The following ANAPC1 variants were observed in gnomAD, a reference collection of about 807,000 sequenced individuals.
ANAPC1 encodes anaphase promoting complex subunit 1.
ANAPC1 carries 36 observed loss-of-function variants against 208.0 expected under a neutral mutation model. That is an observed-to-expected ratio of 0.17 (90% CI 0.13 to 0.23). ANAPC1 has a LOEUF of 0.23. Among genes scored for constraint, ANAPC1 ranks in the 10% least tolerant of loss-of-function variants. The probability of loss-of-function intolerance (pLI) is 1.00; values close to 1 mark genes in which losing one functional copy is unlikely to be tolerated. For missense variants in ANAPC1, 942 were observed against 2,011.6 expected, an observed-to-expected ratio of 0.47 and a Z score of 10.17; for synonymous variants, 378 against 695.2, an observed-to-expected ratio of 0.54 and a Z score of 7.18.
rs1045588000 is a variant in ANAPC1 at position 111,883,985 on chromosome 2, T to TC, written c.-69dup. 3 of 152,292 alleles carry TC rather than the reference T, an allele frequency of 2.0e-5. No individual in the cohort carries two copies. Among genetic ancestry groups the TC allele is most frequent in the Non-Finnish European group, 4.4e-5 (3 of 68,156 alleles). 9.4% of individuals were successfully genotyped at this position (152,292 alleles called of 1,614,324 possible). On this transcript the variant is annotated 5_prime_UTR_variant, in exon 1 of 48. It removes the in-frame stop codon of an upstream open reading frame in the 5' UTR. Coordinates refer to ENST00000341068, the MANE Select transcript of ANAPC1 (RefSeq NM_022662.4). ...GTCAGGCGCGGCGAGCCCCGGCTGCTCCCCGGAGGCGCAGGGGCCGAGGAG... is the reference window on the plus strand; with the variant it reads ...GTCAGGCGCGGCGAGCCCCGGCTGCTCCCCCGGAGGCGCAGGGGCCGAGGAG...
chr2:111,878,339 C>T lies in ANAPC1; in HGVS notation c.375+471G>A, dbSNP rs189355289. Among the ~76,000 whole-genome samples the T allele has an allele frequency of 4.6e-3, 702 of 152,294 alleles. 4 individuals carry two copies. Among genetic ancestry groups the T allele is most frequent in the African/African-American group, 0.013 (559 of 41,566 alleles). ...TCTTCCTGAAAAAATATGGCAAATGCTTAATTCTTTCCCTTTCATTATCAA... is the reference window on the plus strand; with the variant it reads ...TCTTCCTGAAAAAATATGGCAAATGTTTAATTCTTTCCCTTTCATTATCAA... On this transcript the variant is annotated intron_variant, in intron 3 of 47. Coordinates refer to ENST00000341068, the MANE Select transcript of ANAPC1 (RefSeq NM_022662.4).
At chr2:111,864,075 C>T (rs1366612559) in intron 8 of ANAPC1, among the ~76,000 whole-genome samples, 180 bp from the exon 9 acceptor site, 1 of 151,968 alleles carries the variant, frequency 6.6e-6, no homozygotes, top group African/African-American at 2.4e-5. Context: ...ATCTATAATC[C>T]CAGCACTTTG....
intron 38 of ANAPC1, among the ~76,000 whole-genome samples, chr2:111,791,283 A>G (rs2104525357): frequency 6.7e-6 from 1 of 149,986 alleles, no homozygotes; most frequent in East Asian, 2.0e-4. Flanking sequence ...CTATACCAAT[A>G]ACAAGGGTTG....
Position 111,834,834 on chromosome 2 carries a change from A to C in ANAPC1, c.2154T>G (p.Asn718Lys), listed in dbSNP as rs1209280966. 6.2e-7 allele frequency: 1 copy of C among 1,606,200 alleles called. No individual in the cohort carries two copies. Among genetic ancestry groups the C allele is most frequent in the East Asian group, 2.2e-5 (1 of 44,536 alleles). ...ATCTGTTCAAAAGATGAGACTCAAC[A>C]TTCTGGTGGTAGTCTGAATTTAGTA... Reference protein sequence around the residue: ...EYLLNSDYHQNVESHLLNRSL... With the variant: ...EYLLNSDYHQKVESHLLNRSL... Residue 718 changes from asparagine to lysine, a missense_variant, in exon 19 of 48, where the codon AAT (asparagine) becomes AAG (lysine). Transcript: ENST00000341068.
chr2:111,801,642 C>T (rs1678448879), intron 33 of ANAPC1, among the ~76,000 whole-genome samples: 1 of 151,012 alleles, frequency 6.6e-6, no homozygotes, highest in Admixed American at 6.6e-5. Flanking sequence ...GTAGTTTCTT[C>T]TGAATGAGTA....
At chr2:111,766,362 C>CA (rs1469303125), downstream of ANAPC1, 1 of 152,082 alleles carries the variant, frequency 6.6e-6, no homozygotes, top group African/African-American at 2.4e-5. Flanking sequence ...AGGAAAAGGC[C>CA]ACCACTTGGG....
chr2:111,794,962 G>A, intron 34 of ANAPC1, 68 bp from the exon 35 acceptor site: 3 of 1,169,932 alleles, frequency 2.6e-6, no homozygotes, highest in Non-Finnish European at 2.4e-6. Flanking sequence ...ATAATCTGAA[G>A]AATAACATAC....
At chr2:111,827,107 C>T (rs867400353) in intron 21 of ANAPC1, among the ~76,000 whole-genome samples, 2 of 152,124 alleles carry the variant, frequency 1.3e-5, no homozygotes, top group South Asian at 4.1e-4. Flanking sequence ...ATGAGAGTTT[C>T]GATTGCTCCA....
chr2:111,833,239 T>C lies in ANAPC1; in HGVS notation c.2457A>G (p.Gln819=), dbSNP rs779421093. ...DYPTLVRTTG[Q]VCTIDPGQTG... ...ACTTACCTGGATCAATTGTGCACACTTGTCCAGTAGTTCTGACAAGCGTTG... is the reference window on the plus strand; with the variant it reads ...ACTTACCTGGATCAATTGTGCACACCTGTCCAGTAGTTCTGACAAGCGTTG... Residue 819 remains glutamine, a synonymous_variant, in exon 20 of 48, where the codon CAA becomes CAG. Transcript: ENST00000341068. 6.3e-7 allele frequency: 1 copy of C among 1,599,410 alleles called. No homozygotes were observed. The highest frequency in any genetic ancestry group is 8.6e-7 in the Non-Finnish European group (1 of 1,168,842).
intron 17 of ANAPC1, among the ~76,000 whole-genome samples, chr2:111,842,721 G>A (rs1276176719): frequency 6.6e-6 from 1 of 152,056 alleles, no homozygotes; most frequent in Non-Finnish European, 1.5e-5. Context: ...CCTGGAAAAG[G>A]GGTAATTATA....
chr2:111,873,067 T>A, intron 5 of ANAPC1: 1 of 470,716 alleles, frequency 2.1e-6, no homozygotes, highest in South Asian at 3.6e-5. Context: ...TTCTTAGGTA[T>A]CATTTAAACC....
At chr2:111,872,302 CCATCCCTG>C (rs1371547646) in intron 6 of ANAPC1, among the ~76,000 whole-genome samples, 1 of 152,114 alleles carries the variant, frequency 6.6e-6, no homozygotes, top group African/African-American at 2.4e-5. Flanking sequence ...GTATGTTAAA[CCATCCCTG>C]CATCCCTGAG....
At chr2:111,851,475 C>T (rs558237234) in intron 13 of ANAPC1, among the ~76,000 whole-genome samples, 443 of 152,122 alleles carry the variant, frequency 2.9e-3, no homozygotes, top group Admixed American at 6.8e-3. Flanking sequence ...TAAAAATCTG[C>T]ACACTATGTA....
intron 21 of ANAPC1, among the ~76,000 whole-genome samples, chr2:111,826,494 G>C (rs1679839305): frequency 6.6e-6 from 1 of 152,070 alleles, no homozygotes; most frequent in Non-Finnish European, 1.5e-5. Flanking sequence ...CTTAGCATAA[G>C]TCTTTGAGAT....
chr2:111,838,155 A>G lies in ANAPC1; in HGVS notation c.2115+283T>C, dbSNP rs534381176. 2.0e-5 allele frequency among the ~76,000 whole-genome samples: 3 copies of G among 152,140 alleles called. No homozygotes were observed. The South Asian group carries it at 6.2e-4, about 32-fold the overall frequency. On this transcript the variant is annotated intron_variant, in intron 18 of 47. Transcript: ENST00000341068. ...CCTTAATTTAAAAAACACTGCATAAAAAAGGTAAATGCTGTCATTTCAGGT... is the reference window on the plus strand; with the variant it reads ...CCTTAATTTAAAAAACACTGCATAAGAAAGGTAAATGCTGTCATTTCAGGT...
At chr2:111,852,329 C>T (rs1015729701) in intron 13 of ANAPC1, among the ~76,000 whole-genome samples, 6 of 151,162 alleles carry the variant, frequency 4.0e-5, no homozygotes, top group African/African-American at 1.5e-4. Context: ...CTTAGGCTTT[C>T]AAAGTGCCTA....
chr2:111,797,631 TACA>T (rs1372635442), intron 34 of ANAPC1, among the ~76,000 whole-genome samples: 9 of 152,172 alleles, frequency 5.9e-5, no homozygotes, highest in African/African-American at 1.7e-4. Context: ...GATCAACTCA[TACA>T]ACAAGTATAA....
chr2:111,801,914 G>C (rs1438085161), intron 33 of ANAPC1, among the ~76,000 whole-genome samples: 1 of 151,842 alleles, frequency 6.6e-6, no homozygotes, highest in Non-Finnish European at 1.5e-5. Context: ...AGAAAAAAAA[G>C]AATTAGAGGG....
At chr2:111,782,910 A>G (rs1677362379) in intron 42 of ANAPC1, among the ~76,000 whole-genome samples, 1 of 152,208 alleles carries the variant, frequency 6.6e-6, no homozygotes, top group Non-Finnish European at 1.5e-5. Flanking sequence ...AACAATACAG[A>G]AAACAGCTAA....
Sources: gnomAD v4.1 joint callset for allele counts (sites outside exome capture counted in the v4.1 genomes callset) on GRCh38, gnomAD v4.1.1 for gene constraint, MANE v1.5 for transcripts, NCBI Gene and HGNC (gene_info 2026-07-23, HGNC 2026-07-21) for gene names.